Variants in SVEP1 observed in about 807,000 individuals in gnomAD.
SVEP1 encodes sushi, von Willebrand factor type A, EGF and pentraxin domain-containing protein 1.
SVEP1 carries 164 observed loss-of-function variants against 367.3 expected under a neutral mutation model. That is an observed-to-expected ratio of 0.45 (90% CI 0.39 to 0.51). SVEP1 has a LOEUF of 0.51. Among genes scored for constraint, SVEP1 ranks in the 20% least tolerant of loss-of-function variants. SVEP1 has a pLI of 0.00. For synonymous variants in SVEP1, 1,666 were observed against 1,611.6 expected (o/e 1.03, Z -0.81); for missense variants, 4,117 against 4,425.3 (o/e 0.93, Z 1.98).
Position 110,450,044 on chromosome 9 carries a change from G to A in SVEP1, c.4103+15C>T. 1 of 1,613,440 alleles carries A rather than the reference G, an allele frequency of 6.2e-7. No individual in the cohort carries two copies. On this transcript the variant is annotated intron_variant, in intron 24 of 47. Transcript: ENST00000374469. ...AAAATAAAAACAGTGAAAAGAATCA[G>A]ACTTAGCCTTTTACCTGAAGCTATT...
At chr9:110,376,276 CCAGCTAAGGCAGCCAAGCCAGA>C (rs869190290) in intron 45 of SVEP1, among the ~76,000 whole-genome samples, 1 of 125,784 alleles carries the variant, frequency 8.0e-6, no homozygotes, top group Non-Finnish European at 1.9e-5. Context: ...GTGAGCCAGA[CCAGCTAAGGCAGCCAAGCCAGA>C]CCTGTCGTGG....
At chr9:110,529,417 T>C (rs1256467552) in intron 3 of SVEP1, among the ~76,000 whole-genome samples, 1 of 152,176 alleles carries the variant, frequency 6.6e-6, no homozygotes, top group Non-Finnish European at 1.5e-5. Context: ...GTTATTTTGA[T>C]AGGAATTGCA....
At chr9:110,465,083 T>A (rs1047384086) in intron 18 of SVEP1, among the ~76,000 whole-genome samples, 1 of 152,158 alleles carries the variant, frequency 6.6e-6, no homozygotes, top group Non-Finnish European at 1.5e-5. Context: ...TCTCAATGTG[T>A]GGTCCCTGGA....
chr9:110,515,533 C>T (rs1450185843), intron 3 of SVEP1, among the ~76,000 whole-genome samples: 1 of 152,086 alleles, frequency 6.6e-6, no homozygotes, highest in African/African-American at 2.4e-5. Flanking sequence ...ATCTCCTGAC[C>T]TCATGATCCG....
At chr9:110,491,341 AT>A (rs1564157893) in intron 8 of SVEP1, among the ~76,000 whole-genome samples, 1 of 151,786 alleles carries the variant, frequency 6.6e-6, no homozygotes, top group East Asian at 1.9e-4. Flanking sequence ...TGCTTTTTAA[AT>A]TTTTTCTTTC....
At chr9:110,544,069 A>G (rs929921228) in intron 3 of SVEP1, among the ~76,000 whole-genome samples, 3 of 152,076 alleles carry the variant, frequency 2.0e-5, no homozygotes, top group African/African-American at 7.2e-5. Flanking sequence ...GGCCAGAGGA[A>G]GCAGGAAAAA....
At chr9:110,379,278 A>G in intron 44 of SVEP1, 69 bp downstream of exon 44, 3 of 1,535,604 alleles carry the variant, frequency 2.0e-6, no homozygotes, top group Middle Eastern at 1.9e-4. Context: ...TAATTGCTGG[A>G]CAAATCAGAT....
chr9:110,510,147 C>T (rs1196733469), intron 5 of SVEP1, among the ~76,000 whole-genome samples: 1 of 152,176 alleles, frequency 6.6e-6, no homozygotes, highest in Non-Finnish European at 1.5e-5. Context: ...CAGTGGTGGC[C>T]CCATGTTCAT....
chr9:110,372,023 T>G (rs1019948029), intron 46 of SVEP1, among the ~76,000 whole-genome samples: 2 of 152,222 alleles, frequency 1.3e-5, no homozygotes, highest in Admixed American at 1.3e-4. Context: ...TCGCATGTGA[T>G]GTGTTTCCTG....
chr9:110,471,248 C>T (rs1829012821), intron 16 of SVEP1, 116 bp downstream of exon 16: 2 of 873,790 alleles, frequency 2.3e-6, no homozygotes, highest in Non-Finnish European at 1.7e-6. Context: ...AACAACCACA[C>T]AACAAGAGCA....
intron 16 of SVEP1, among the ~76,000 whole-genome samples, chr9:110,469,659 G>T (rs1322834602): frequency 6.6e-6 from 1 of 152,078 alleles, no homozygotes; most frequent in African/African-American, 2.4e-5. Context: ...TCCTTAATGG[G>T]GAAGACACTT....
At chr9:110,525,305 G>A (rs900803085) in intron 3 of SVEP1, among the ~76,000 whole-genome samples, 3 of 152,146 alleles carry the variant, frequency 2.0e-5, no homozygotes, top group Non-Finnish European at 4.4e-5. Flanking sequence ...TTGTTTCTAT[G>A]TACTAGCAGT....
chr9:110,432,137 C>T, intron 31 of SVEP1, 103 bp from the exon 32 acceptor site: 3 of 1,217,652 alleles, frequency 2.5e-6, no homozygotes, highest in Middle Eastern at 2.0e-4. Flanking sequence ...TAATGCACAA[C>T]ACTTCATATA....
chr9:110,466,709 C>G (rs903224476), intron 17 of SVEP1, among the ~76,000 whole-genome samples: 1 of 126,162 alleles, frequency 7.9e-6, no homozygotes, highest in Admixed American at 8.9e-5. Flanking sequence ...TGCAGTGAGC[C>G]GAGATCCCGC....
At chr9:110,451,174 C>A in intron 23 of SVEP1, 115 bp downstream of exon 23, 3 of 776,106 alleles carry the variant, frequency 3.9e-6, no homozygotes, top group Non-Finnish European at 4.1e-6. Context: ...CTTACATAAT[C>A]ACCATACAGT....
At chr9:110,530,591 C>A (rs1439605966) in intron 3 of SVEP1, among the ~76,000 whole-genome samples, 1 of 152,056 alleles carries the variant, frequency 6.6e-6, no homozygotes, top group East Asian at 1.9e-4. Flanking sequence ...GGTTGGAGTG[C>A]AGTGATATGG....
In SVEP1 at chr9:110,439,939, T is replaced by C. The variant is rs193203913; in HGVS notation, c.4640-3435A>G. Among the ~76,000 whole-genome samples the C allele has an allele frequency of 2.0e-5, 3 of 152,320 alleles. No individual in the cohort carries two copies. The East Asian group carries it at 5.8e-4, about 29-fold the overall frequency. The stretch of plus-strand genomic sequence containing the variant: ...TTTACTCTTCCATCATTGTTTATAT[T>C]TTAAAGATAAAAATGCTTTTTTTAA... On this transcript the variant is annotated intron_variant, in intron 27 of 47. Coordinates refer to ENST00000374469, the MANE Select transcript of SVEP1 (RefSeq NM_153366.4).
rs1830670252 is a variant in SVEP1, at chr9:110,579,619, C to A, written c.-76G>T. ...GGAAGAGGCGCTGGGCGGCCGGACT[C>A]GCAGAGGGGCGTGCGCGGAGCTGGG... On this transcript the variant is annotated 5_prime_UTR_variant, in exon 1 of 48. Coordinates refer to ENST00000374469, the MANE Select transcript of SVEP1 (RefSeq NM_153366.4). The surrounding 1 kb of genome is among the most constrained non-coding windows in gnomAD (Gnocchi z 5.3). 3 of 1,434,876 alleles carry A rather than the reference C, an allele frequency of 2.1e-6. No individual in the cohort carries two copies. The highest frequency in any genetic ancestry group is 3.0e-5 in the Admixed American group (1 of 33,602). 88.9% of individuals were successfully genotyped at this position (1,434,876 alleles called of 1,614,324 possible). A position where few individuals can be genotyped will look rare whatever the true frequency, so the allele number is the denominator to read the frequency against.
chr9:110,453,615 C>A (rs2118620651), intron 22 of SVEP1, among the ~76,000 whole-genome samples: 1 of 152,198 alleles, frequency 6.6e-6, no homozygotes, highest in Middle Eastern at 3.4e-3. Flanking sequence ...GGCCTGTAAT[C>A]CCAGCACTTT....
Sources: allele counts gnomAD v4.1 joint callset (sites outside exome capture counted in the v4.1 genomes callset), GRCh38; gene constraint gnomAD v4.1.1; non-coding constraint Gnocchi (gnomAD v3.1); transcripts MANE v1.5; gene names NCBI Gene and HGNC (gene_info 2026-07-23, HGNC 2026-07-21).